Variants in NID1 observed in about 807,000 individuals in gnomAD.
NID1 encodes nidogen 1.
NID1 carries 76 observed loss-of-function variants against 130.6 expected under a neutral mutation model. The observed-to-expected ratio is 0.58, with a 90% CI of 0.48 to 0.70. NID1 has a LOEUF of 0.70. Among genes scored for constraint, NID1 ranks in the 30% least tolerant of loss-of-function variants. NID1 has a pLI of 0.00. For missense variants in NID1, 1,517 were observed against 1,664.8 expected (o/e 0.91, Z 1.54); for synonymous variants, 665 against 675.1 (o/e 0.98, Z 0.23).
intron 7 of NID1, among the ~76,000 whole-genome samples, chr1:236,027,985 TA>T (rs1372411026): frequency 6.6e-6 from 1 of 152,006 alleles, no homozygotes; most frequent in Non-Finnish European, 1.5e-5. Flanking sequence ...AAAATTAAAT[TA>T]AAAAAATAAA....
intron 9 of NID1, among the ~76,000 whole-genome samples, chr1:236,021,099 C>A (rs1436487309): frequency 2.6e-5 from 4 of 152,190 alleles, no homozygotes; most frequent in African/African-American, 9.7e-5. Context: ...TGAAGCAGAG[C>A]TGTGTAATGA....
chr1:236,040,954 T>G (rs1297321344), intron 4 of NID1, among the ~76,000 whole-genome samples: 1 of 150,690 alleles, frequency 6.6e-6, no homozygotes, highest in Admixed American at 6.6e-5. Flanking sequence ...CATGAGCCAC[T>G]GTGCCTGGCT....
chr1:236,037,926 G>A (rs1439208202), intron 5 of NID1, among the ~76,000 whole-genome samples, 178 bp downstream of exon 5: 1 of 152,154 alleles, frequency 6.6e-6, no homozygotes, highest in African/African-American at 2.4e-5. Flanking sequence ...GGCCTTCCTG[G>A]GGGATGCCTG....
intron 1 of NID1, among the ~76,000 whole-genome samples, chr1:236,054,889 G>C (rs1659855468): frequency 6.6e-6 from 1 of 151,986 alleles, no homozygotes; most frequent in Non-Finnish European, 1.5e-5. Flanking sequence ...CTATCCGCCC[G>C]CCTCAGCCTC....
chr1:236,045,352 TAAATC>T, intron 3 of NID1, 100 bp downstream of exon 3: 1 of 775,848 alleles, frequency 1.3e-6, no homozygotes, highest in East Asian at 2.7e-5. Context: ...ATGCAAAACT[TAAATC>T]CATAGGAACA....
chr1:235,984,765 T>C (rs781356597), intron 15 of NID1, among the ~76,000 whole-genome samples: 2 of 152,126 alleles, frequency 1.3e-5, no homozygotes, highest in Admixed American at 6.5e-5. Flanking sequence ...ACTAGATAAA[T>C]CATACCCATG....
chr1:236,015,835 C>A (rs1055646841), intron 10 of NID1, among the ~76,000 whole-genome samples: 2 of 151,992 alleles, frequency 1.3e-5, no homozygotes, highest in African/African-American at 4.8e-5. Flanking sequence ...GAGAGGTTGT[C>A]TTCCTCAAAA....
At chr1:236,045,436 T>C in intron 3 of NID1, 21 bp downstream of exon 3, 1 of 1,521,376 alleles carries the variant, frequency 6.6e-7, no homozygotes, top group East Asian at 2.3e-5. Context: ...GAGAATCTAC[T>C]GAAGAACAAA....
intron 15 of NID1, among the ~76,000 whole-genome samples, chr1:235,984,543 C>T (rs1657521399): frequency 6.6e-6 from 1 of 152,158 alleles, no homozygotes; most frequent in African/African-American, 2.4e-5. Context: ...TGAGGCTGCT[C>T]TATTTTAAAG....
chr1:235,989,034 C>T (rs894747430), intron 14 of NID1, among the ~76,000 whole-genome samples: 4 of 151,066 alleles, frequency 2.6e-5, no homozygotes, highest in South Asian at 4.2e-4. Context: ...TTTCAGCATT[C>T]CCCCTTCCAC....
chr1:235,992,546 G>A (rs1349135360), intron 13 of NID1, among the ~76,000 whole-genome samples: 1 of 152,150 alleles, frequency 6.6e-6, no homozygotes, highest in Admixed American at 6.5e-5. Context: ...CCTCACCCAT[G>A]AGCCCACCGC....
chr1:236,048,853 T>C lies in NID1; in HGVS notation c.362A>G (p.Tyr121Cys), dbSNP rs1659685862. 1 of 1,614,010 alleles carries C rather than the reference T, an allele frequency of 6.2e-7. No individual in the cohort carries two copies. Among genetic ancestry groups the C allele is most frequent in the Admixed American group, 1.7e-5 (1 of 59,978 alleles). ...GGAGGGGGATAAGTCTTCTCGATAA[T>C]AAACCTTCCCCAGGCCATCGGTCGT... ...LDTTDGLGKV[Y>C]YREDLSPSIT... Residue 121 changes from tyrosine (Y) to cysteine (C), a missense_variant, in exon 2 of 20, where the codon TAT (tyrosine) becomes TGT (cysteine). Coordinates refer to ENST00000264187, the MANE Select transcript of NID1 (RefSeq NM_002508.3).
At chr1:236,044,239 T>C (rs1402022531) in intron 3 of NID1, among the ~76,000 whole-genome samples, 3 of 152,188 alleles carry the variant, frequency 2.0e-5, no homozygotes, top group Non-Finnish European at 2.9e-5. Context: ...GAGAGCTGGC[T>C]GTTAAAGTTT....
intron 12 of NID1, among the ~76,000 whole-genome samples, chr1:235,999,753 CAG>C (rs1378131921): frequency 6.6e-6 from 1 of 152,228 alleles, no homozygotes; most frequent in Middle Eastern, 3.4e-3. Flanking sequence ...GAAAATGAAA[CAG>C]AGTGTAAACC....
chr1:236,059,541 C>T (rs1298893304), intron 1 of NID1, among the ~76,000 whole-genome samples: 1 of 152,160 alleles, frequency 6.6e-6, no homozygotes, highest in Non-Finnish European at 1.5e-5. Context: ...GTTTATATAA[C>T]TTGCCTAAGA....
At chr1:236,038,280 T>A (rs1298517701) in intron 4 of NID1, 27 bp from the exon 5 acceptor site, 2 of 1,599,960 alleles carry the variant, frequency 1.3e-6, no homozygotes, top group African/African-American at 2.7e-5. Context: ...ATTGCACACC[T>A]GTAAGCATTT....
chr1:236,064,199 T>A (rs1191845906), intron 1 of NID1, among the ~76,000 whole-genome samples: 1 of 152,126 alleles, frequency 6.6e-6, no homozygotes, highest in Non-Finnish European at 1.5e-5. Flanking sequence ...CAGGGAGCTG[T>A]AGGTCATCTG....
chr1:236,025,918 G>C lies in NID1; in HGVS notation c.1962C>G (p.Ser654Arg), dbSNP rs189812115. Reference sequence around the variant, plus strand: ...TACCCCTCACAGGCCCAATGGAGTTGCTGAGAGCATAGCGCAAGATCTTCT... The same window carrying C: ...TACCCCTCACAGGCCCAATGGAGTTCCTGAGAGCATAGCGCAAGATCTTCT... ...QEEKILRYALSNSIGPVREGS... is the reference protein window; with the variant it reads ...QEEKILRYALRNSIGPVREGS... The change falls in exon 8 of 20, where the codon AGC (serine) becomes AGG (arginine). Residue 654 changes from serine to arginine, a missense_variant. By Grantham distance (110) the Ser-to-Arg change is moderately radical. Transcript: ENST00000264187. The C allele has an allele frequency of 4.3e-6, 7 of 1,614,110 alleles. No homozygotes were observed. Among genetic ancestry groups the C allele is most frequent in the Middle Eastern group, 1.6e-4 (1 of 6,062 alleles).
chr1:236,023,491 A>C lies in NID1; in HGVS notation c.2128+579T>G, dbSNP rs1243438599. Among the ~76,000 whole-genome samples, 4 of 152,332 alleles carry C rather than the reference A, an allele frequency of 2.6e-5. No individual in the cohort carries two copies. The East Asian group carries it at 7.7e-4, about 29-fold the overall frequency. ...ATGTGAGTTGTTGTTTAATGGGTAC[A>C]GAGTACGTTTTGCAAGATGGAGAGT... On this transcript the variant is annotated intron_variant, in intron 9 of 19. Coordinates refer to ENST00000264187, the MANE Select transcript of NID1 (RefSeq NM_002508.3).
Sources: gnomAD v4.1 joint callset for allele counts (sites outside exome capture counted in the v4.1 genomes callset) on GRCh38, gnomAD v4.1.1 for gene constraint, MANE v1.5 for transcripts, NCBI Gene and HGNC (gene_info 2026-07-23, HGNC 2026-07-21) for gene names.